Variants in CSMD3 observed in about 807,000 individuals in gnomAD.
CSMD3 encodes CUB and Sushi multiple domains 3.
Under a neutral mutation model 435.2 loss-of-function variants are expected in CSMD3, and 177 were observed. The ratio of observed to expected loss-of-function variants is 0.41; its 90% CI spans 0.36 to 0.46. The LOEUF (loss-of-function observed/expected upper bound fraction) is 0.46, where lower values mean the gene tolerates loss of function less well. Ranked by LOEUF, CSMD3 falls within the 20% of genes least tolerant of loss-of-function variation. The pLI is 0.34. For synonymous variants in CSMD3, 1,656 were observed against 1,520.5 expected (o/e 1.09, Z -2.07); for missense variants, 4,265 against 4,504.6 (o/e 0.95, Z 1.52).
At chr8:112,408,539 A>G (rs1368470963) in intron 33 of CSMD3, 126 bp from the exon 34 acceptor site, 3 of 734,610 alleles carry the variant, frequency 4.1e-6, no homozygotes, top group Non-Finnish European at 4.8e-6. Context: ...TTACTTTAAA[A>G]TATCCTACAA....
At position 112,552,706 on chromosome 8, in the gene CSMD3, G is replaced by C. The variant is rs762798837; in HGVS notation, c.4249C>G (p.Arg1417Gly). 6.2e-7 allele frequency: 1 copy of C among 1,611,296 alleles called. No homozygotes were observed. Among genetic ancestry groups the C allele is most frequent in the East Asian group, 2.2e-5 (1 of 44,698 alleles). The change falls in exon 26 of 71, where the codon CGT becomes GGT. Residue 1417 changes from arginine (R) to glycine (G), a missense_variant. Physicochemically the swap from Arg to Gly is moderately radical, Grantham distance 125. Around this residue, in one of 3 missense-constraint regions of CSMD3, gnomAD observed 3,255 missense variants for 3,380.2 expected, o/e 0.96. Coordinates refer to ENST00000297405, the MANE Select transcript of CSMD3 (RefSeq NM_198123.2). ...CTTCCTGATGATTCTCCTTTAAAAC[G>C]ACCTCCACATTCAGCTGATAAAAAA... Reference protein sequence around the residue: ...LPSCIAECGGRFKGESSGRIL... With the variant: ...LPSCIAECGGGFKGESSGRIL...
At chr8:112,742,019 T>C (rs1470380707) in intron 13 of CSMD3, among the ~76,000 whole-genome samples, 1 of 151,882 alleles carries the variant, frequency 6.6e-6, no homozygotes, top group Non-Finnish European at 1.5e-5. Context: ...TCTTAAGAGA[T>C]AGGAAGAAAA....
intron 3 of CSMD3, among the ~76,000 whole-genome samples, chr8:113,236,381 G>A (rs890057989): frequency 5.9e-5 from 9 of 152,034 alleles, no homozygotes; most frequent in Non-Finnish European, 8.8e-5. Flanking sequence ...TCTTACTTTG[G>A]ACTTGCTCTC....
rs1027669232 is a variant in CSMD3 at position 113,223,198 on chromosome 8, T to C, written c.515-49282A>G. On this transcript the variant is annotated intron_variant, in intron 3 of 70. Coordinates refer to ENST00000297405, the MANE Select transcript of CSMD3 (RefSeq NM_198123.2). Reference sequence around the variant, plus strand: ...AATATTTACTCAAAATATAGCTCATTTTAATATTTACTAATATTACTAATT... The same window carrying C: ...AATATTTACTCAAAATATAGCTCATCTTAATATTTACTAATATTACTAATT... Among the ~76,000 whole-genome samples the C allele has an allele frequency of 2.7e-5, 4 of 150,678 alleles. No individual in the cohort carries two copies. In the Admixed American group the frequency reaches 2.7e-4, roughly 10 times the overall value.
At chr8:112,318,085 AC>A (rs971464165) in intron 47 of CSMD3, among the ~76,000 whole-genome samples, 1 of 152,024 alleles carries the variant, frequency 6.6e-6, no homozygotes, top group Admixed American at 6.6e-5. Flanking sequence ...TGCTCTTGTA[AC>A]ATAGCGAATC....
intron 24 of CSMD3, among the ~76,000 whole-genome samples, chr8:112,561,073 C>G (rs1458926795): frequency 6.6e-6 from 1 of 151,544 alleles, no homozygotes; most frequent in South Asian, 2.1e-4. Context: ...GCTGAAAATG[C>G]ACATGGACAA....
At chr8:112,458,224 CACAG>C (rs1470834227) in intron 32 of CSMD3, among the ~76,000 whole-genome samples, 8 of 151,728 alleles carry the variant, frequency 5.3e-5, no homozygotes, top group African/African-American at 1.9e-4. Context: ...CCCACACACA[CACAG>C]AGAAACAGAG....
At position 112,511,390 on chromosome 8, in the gene CSMD3, T is replaced by C. The variant is rs1178104538; in HGVS notation, c.4757-4561A>G. 6.7e-3 allele frequency among the ~76,000 whole-genome samples: 765 copies of C among 114,316 alleles called. 1 individual carries two copies. The highest frequency in any genetic ancestry group is 0.027 in the East Asian group (93 of 3,458). 75.0% of individuals were successfully genotyped at this position (114,316 alleles called of 152,430 possible). A position where few individuals can be genotyped will look rare whatever the true frequency, so the allele number is the denominator to read the frequency against. Reference sequence around the variant, plus strand: ...AGCTGTGGCATTTTCTTTTCTTTTTTTTTTTTTTTTTTTTTTTGAGATGGA... The same window carrying C: ...AGCTGTGGCATTTTCTTTTCTTTTTCTTTTTTTTTTTTTTTTTGAGATGGA... On this transcript the variant is annotated intron_variant, in intron 28 of 70. Coordinates refer to ENST00000297405, the MANE Select transcript of CSMD3 (RefSeq NM_198123.2).
intron 30 of CSMD3, among the ~76,000 whole-genome samples, chr8:112,492,913 G>GA (rs5894086): frequency 0.81 from 123,892 of 152,038 alleles, 51,043 homozygotes; most frequent in African/African-American, 0.93. Flanking sequence ...TAGTAATCTA[G>GA]AATGATTTAA....
At chr8:113,368,740 G>A (rs1474347304) in intron 1 of CSMD3, among the ~76,000 whole-genome samples, 15 of 151,986 alleles carry the variant, frequency 9.9e-5, no homozygotes, top group Admixed American at 9.8e-4. Flanking sequence ...CCGATTCTGT[G>A]TCCTAACAAC....
intron 5 of CSMD3, among the ~76,000 whole-genome samples, chr8:113,062,399 G>C (rs772770622): frequency 5.2e-4 from 79 of 151,836 alleles, no homozygotes; most frequent in Non-Finnish European, 1.0e-3. Context: ...TATAGAAACA[G>C]TTCAGTATAT....
chr8:112,506,878 T>A (rs1467471871), intron 28 of CSMD3, 49 bp from the exon 29 acceptor site: 1 of 1,510,942 alleles, frequency 6.6e-7, no homozygotes, highest in Middle Eastern at 1.7e-4. Flanking sequence ...TAATACAATT[T>A]ATTAGCTATC....
intron 35 of CSMD3, among the ~76,000 whole-genome samples, chr8:112,401,107 G>C (rs1831300456): frequency 6.6e-6 from 1 of 152,114 alleles, no homozygotes; most frequent in African/African-American, 2.4e-5. Flanking sequence ...TGCTTGGGAG[G>C]CTGAGGTGGG....
intron 13 of CSMD3, among the ~76,000 whole-genome samples, chr8:112,769,149 G>A (rs574484117): frequency 2.6e-4 from 39 of 151,886 alleles, no homozygotes; most frequent in African/African-American, 8.9e-4. Flanking sequence ...CTAGATTCTT[G>A]GAACATCACC....
intron 5 of CSMD3, among the ~76,000 whole-genome samples, chr8:113,024,456 T>C (rs2086799508): frequency 6.6e-6 from 1 of 152,056 alleles, no homozygotes; most frequent in Non-Finnish European, 1.5e-5. Flanking sequence ...ACTTCACCTC[T>C]TTTGGATATT....
intron 13 of CSMD3, among the ~76,000 whole-genome samples, chr8:112,741,793 G>GT (rs2077313653): frequency 1.2e-5 from 1 of 81,090 alleles, no homozygotes; most frequent in Admixed American, 1.2e-4. Context: ...TAGATAGAGA[G>GT]AAGATAGATA....
At chr8:112,728,116 T>C (rs1451993572) in intron 13 of CSMD3, among the ~76,000 whole-genome samples, 1 of 151,886 alleles carries the variant, frequency 6.6e-6, no homozygotes, top group Non-Finnish European at 1.5e-5. Context: ...ATGCAGATTG[T>C]TGGGAAGAAT....
At position 112,662,546 on chromosome 8, in the gene CSMD3, G is replaced by T. The variant is rs537159062; in HGVS notation, c.2816+3731C>A. On this transcript the variant is annotated intron_variant, in intron 17 of 70. Transcript: ENST00000297405. ...TTCAAGATGGATTAAAGACTTAAAT[G>T]TTAGACCTAAAACCATAAAAACCCT... Among the ~76,000 whole-genome samples, 21 of 152,170 alleles carry T rather than the reference G, an allele frequency of 1.4e-4. No individual in the cohort carries two copies. In the East Asian group the frequency reaches 3.9e-3, roughly 28 times the overall value.
intron 10 of CSMD3, among the ~76,000 whole-genome samples, chr8:112,878,953 AC>A (rs1447322433): frequency 2.0e-5 from 3 of 152,088 alleles, no homozygotes; most frequent in African/African-American, 7.2e-5. Flanking sequence ...TCACCTCAGG[AC>A]CCTGTGATGA....
Sources: allele counts gnomAD v4.1 joint callset (sites outside exome capture counted in the v4.1 genomes callset), GRCh38; gene constraint gnomAD v4.1.1; regional missense constraint gnomAD v4.1.1; transcripts MANE v1.5; gene names NCBI Gene and HGNC (gene_info 2026-07-23, HGNC 2026-07-21).